Variants in PDE5A observed in about 807,000 individuals in gnomAD.
PDE5A encodes the protein phosphodiesterase 5A.
In PDE5A, 67 loss-of-function variants were observed where a neutral mutation model predicts 110.2. The observed-to-expected ratio is 0.61, with a 90% CI of 0.50 to 0.75. The LOEUF is 0.75. Ranked by LOEUF, PDE5A falls within the 30% of genes least tolerant of loss-of-function variation. The pLI is 0.00. For missense variants in PDE5A, 862 were observed against 1,045.1 expected (o/e 0.82, Z 2.42); for synonymous variants, 328 against 351.2 (o/e 0.93, Z 0.74).
At chr4:119,595,584 G>C (rs1349280526) in intron 3 of PDE5A, among the ~76,000 whole-genome samples, 2 of 152,104 alleles carry the variant, frequency 1.3e-5, no homozygotes, top group African/African-American at 4.8e-5. Context: ...TCTCTCTTCG[G>C]AAGCTGGGAC....
Position 119,627,026 on chromosome 4 carries a change from ACAGT to A in PDE5A, c.152+1490_152+1493del. 1 of 1,067,272 alleles carries A rather than the reference ACAGT, an allele frequency of 9.4e-7. No homozygotes were observed. The highest frequency in any genetic ancestry group is 2.6e-5 in the East Asian group (1 of 39,022). The allele number at this position is 1,067,272 out of a possible 1,614,324, so 66.1% of individuals were successfully genotyped here. ...GAATAACAACAACAACAAAAGTTAT[ACAGT>A]CAATTTTCAATGATACATCGTCCCA... On this transcript the variant is annotated intron_variant, in intron 1 of 20. Coordinates refer to ENST00000354960, the MANE Select transcript of PDE5A (RefSeq NM_001083.4). This position sits in a 1 kb window ranked among gnomAD's most constrained non-coding sequence, Gnocchi z 4.6.
chr4:119,541,292 G>T (rs143709010), intron 10 of PDE5A, among the ~76,000 whole-genome samples: 88 of 151,376 alleles, frequency 5.8e-4, no homozygotes, highest in Non-Finnish European at 8.7e-4. Context: ...GAAAAAATTA[G>T]ATTAAAAATT....
At chr4:119,565,133 A>T (rs1415353664) in intron 5 of PDE5A, among the ~76,000 whole-genome samples, 188 bp downstream of exon 5, 1 of 152,154 alleles carries the variant, frequency 6.6e-6, no homozygotes, top group East Asian at 1.9e-4. Flanking sequence ...GTTAATGAAC[A>T]TTGTCTAATA....
intron 12 of PDE5A, among the ~76,000 whole-genome samples, chr4:119,522,889 C>T (rs551721853): frequency 1.4e-4 from 21 of 151,870 alleles, no homozygotes; most frequent in African/African-American, 3.6e-4. Context: ...ATGTTCAATA[C>T]GTTGAATCAG....
chr4:119,519,960 A>G (rs948035226), intron 13 of PDE5A, among the ~76,000 whole-genome samples: 7 of 152,134 alleles, frequency 4.6e-5, no homozygotes, highest in Non-Finnish European at 1.0e-4. Context: ...GGAAATACTC[A>G]TTGGAATATT....
chr4:119,515,321 T>G lies in PDE5A; in HGVS notation c.2000+3724A>C, dbSNP rs189190591. Reference sequence around the variant, plus strand: ...CATCCTGCTGACCCTCTATTCCCACTGTGCCAGACCATGACTTCAGCTCAC... The same window carrying G: ...CATCCTGCTGACCCTCTATTCCCACGGTGCCAGACCATGACTTCAGCTCAC... On this transcript the variant is annotated intron_variant, in intron 14 of 20. Transcript: ENST00000354960. Among the ~76,000 whole-genome samples the G allele has an allele frequency of 2.6e-5, 4 of 152,296 alleles. No individual in the cohort carries two copies. In the East Asian group the frequency reaches 7.7e-4, roughly 29 times the overall value.
intron 2 of PDE5A, 128 bp from the exon 3 acceptor site, chr4:119,596,740 G>T: frequency 2.2e-6 from 1 of 462,864 alleles, no homozygotes; most frequent in Non-Finnish European, 3.8e-6. Context: ...CAATTTTATT[G>T]TTGTGAAAGG....
chr4:119,518,811 C>G (rs1032237739), intron 14 of PDE5A, among the ~76,000 whole-genome samples: 3 of 152,156 alleles, frequency 2.0e-5, no homozygotes, highest in South Asian at 4.1e-4. Flanking sequence ...TAAAGTAAAA[C>G]TCCTGGTAAT....
At chr4:119,625,261 T>C (rs766217861) in intron 1 of PDE5A, among the ~76,000 whole-genome samples, 8 of 152,150 alleles carry the variant, frequency 5.3e-5, no homozygotes, top group African/African-American at 1.2e-4. Flanking sequence ...CCTCCCAAAG[T>C]GCTGGGATTA....
At chr4:119,559,555 T>G (rs753063547) in intron 7 of PDE5A, among the ~76,000 whole-genome samples, 10 of 152,188 alleles carry the variant, frequency 6.6e-5, no homozygotes, top group Non-Finnish European at 1.3e-4. Flanking sequence ...TATTTACATA[T>G]GTCCTACCTA....
chr4:119,565,519 T>A (rs922583702), intron 4 of PDE5A, 109 bp from the exon 5 acceptor site: 3 of 719,486 alleles, frequency 4.2e-6, no homozygotes, highest in East Asian at 2.7e-5. Context: ...AAAGAATAGA[T>A]GTTTGTTCTA....
In PDE5A at chr4:119,556,234, A is replaced by T. The variant is rs970947180; in HGVS notation, c.1200-2488T>A. On this transcript the variant is annotated intron_variant, in intron 7 of 20. Coordinates refer to ENST00000354960, the MANE Select transcript of PDE5A (RefSeq NM_001083.4). ...GCCACCCTAGTGGCTTAGTATTGCC[A>T]TCTGGCTAAGTTCTAGACAACAGGA... Among the ~76,000 whole-genome samples the T allele has an allele frequency of 1.3e-4, 20 of 152,204 alleles. 1 individual carries two copies. Among genetic ancestry groups the T allele is most frequent in the Admixed American group, 1.3e-3 (20 of 15,282 alleles).
At chr4:119,551,777 G>A (rs1344707253) in intron 9 of PDE5A, 1 of 152,034 alleles carries the variant, frequency 6.6e-6, no homozygotes, top group Non-Finnish European at 1.5e-5. Context: ...CTTGCAATTG[G>A]AAAAGTATTC....
intron 1 of PDE5A, among the ~76,000 whole-genome samples, chr4:119,612,827 ATAGCAGCCAGCATGGAC>A (rs761963493): frequency 0.024 from 3,723 of 152,356 alleles, 57 homozygotes; most frequent in South Asian, 0.052. Context: ...GCTATTTGTT[ATAGCAGCCAGCATGGAC>A]TAAGACAATA....
intron 1 of PDE5A, 43 bp from the exon 2 acceptor site, chr4:119,607,340 A>G: frequency 4.6e-6 from 6 of 1,316,098 alleles, no homozygotes; most frequent in Non-Finnish European, 5.3e-6. Context: ...CTTGAAGAGG[A>G]AGGGTGCTAT....
At chr4:119,571,875 A>G (rs1242408387) in intron 3 of PDE5A, among the ~76,000 whole-genome samples, 3 of 152,140 alleles carry the variant, frequency 2.0e-5, no homozygotes, top group Non-Finnish European at 2.9e-5. Context: ...AATTTAGCCA[A>G]ATTTATATTC....
At position 119,585,167 on chromosome 4, in the gene PDE5A, C is replaced by T. The variant is rs569701267; in HGVS notation, c.831+11356G>A. ...GTGGGCACCTGTAATTCCAGCTATT[C>T]GGGAGGCTGAGGCAGGAGAATCGCT... is the stretch of plus-strand genomic sequence containing the variant. On this transcript the variant is annotated intron_variant, in intron 3 of 20. Coordinates refer to ENST00000354960, the MANE Select transcript of PDE5A (RefSeq NM_001083.4). Among the ~76,000 whole-genome samples, 55 of 151,608 alleles carry T rather than the reference C, an allele frequency of 3.6e-4. 1 individual carries two copies. The highest frequency in any genetic ancestry group is 3.0e-3 in the Admixed American group (45 of 15,220).
intron 11 of PDE5A, chr4:119,527,282 G>T (rs2110474947): frequency 6.6e-6 from 1 of 152,102 alleles, no homozygotes; most frequent in African/African-American, 2.4e-5. Context: ...CTTTTCTTTT[G>T]ATTGTTTGGT....
At chr4:119,537,253 C>G (rs1034663676) in intron 11 of PDE5A, among the ~76,000 whole-genome samples, 1 of 152,122 alleles carries the variant, frequency 6.6e-6, no homozygotes, top group Non-Finnish European at 1.5e-5. Flanking sequence ...CATAGCTGCT[C>G]CTCCACTCTG....
Sources: gnomAD v4.1 joint callset for allele counts (sites outside exome capture counted in the v4.1 genomes callset) on GRCh38, gnomAD v4.1.1 for gene constraint, Gnocchi (gnomAD v3.1) non-coding constraint, MANE v1.5 for transcripts, NCBI Gene and HGNC (gene_info 2026-07-23, HGNC 2026-07-21) for gene names.